Variants in MAST4 observed in about 807,000 individuals in gnomAD.
The protein encoded by MAST4 is microtubule associated serine/threonine kinase family member 4, also known as microtubule-associated serine/threonine-protein kinase 4.
A neutral mutation model predicts 162.7 loss-of-function variants in MAST4; 89 were observed. That is an observed-to-expected ratio of 0.55 (90% confidence interval 0.46 to 0.65). The LOEUF is 0.65. Ranked by LOEUF, MAST4 falls within the 30% of genes least tolerant of loss-of-function variation. The probability of loss-of-function intolerance (pLI) is 0.00; values close to 1 mark genes in which losing one functional copy is unlikely to be tolerated. For synonymous variants in MAST4, 1,479 were observed against 1,361.1 expected, an observed-to-expected ratio of 1.09 and a Z score of -1.91; for missense variants, 3,153 against 3,374.0, an observed-to-expected ratio of 0.93 and a Z score of 1.62.
chr5:66,756,767 A>G (rs1267725540), intron 1 of MAST4, among the ~76,000 whole-genome samples: 1 of 152,218 alleles, frequency 6.6e-6, no homozygotes, highest in Non-Finnish European at 1.5e-5. Context: ...ATTTGGAAAA[A>G]TGATCTATTT....
At chr5:66,810,155 G>A (rs972149584) in intron 3 of MAST4, among the ~76,000 whole-genome samples, 3 of 152,160 alleles carry the variant, frequency 2.0e-5, no homozygotes, top group Admixed American at 6.5e-5. Context: ...TTACTTTTAG[G>A]TGTAAGGGGA....
intron 3 of MAST4, among the ~76,000 whole-genome samples, chr5:66,845,126 T>TATATATATATATACACAC (rs1358855625): frequency 4.0e-4 from 27 of 67,164 alleles, no homozygotes; most frequent in East Asian, 3.2e-3. Context: ...TATATATATA[T>TATATATATATATACACAC]ACACACACAC....
chr5:66,851,456 C>T (rs1371917961), intron 3 of MAST4, among the ~76,000 whole-genome samples: 4 of 152,304 alleles, frequency 2.6e-5, no homozygotes, highest in Non-Finnish European at 5.9e-5. Context: ...AATTTAACAC[C>T]TATGGCAAGA....
At chr5:66,620,306 C>T (rs1743992936) in intron 1 of MAST4, among the ~76,000 whole-genome samples, 1 of 151,964 alleles carries the variant, frequency 6.6e-6, no homozygotes, top group Non-Finnish European at 1.5e-5. Context: ...ATACTACTTC[C>T]CCTCCACATT....
chr5:66,658,562 G>T (rs982008926), intron 1 of MAST4, among the ~76,000 whole-genome samples: 1 of 152,170 alleles, frequency 6.6e-6, no homozygotes, highest in Admixed American at 6.5e-5. Context: ...AAATGAATTT[G>T]CAGAAAAGCA....
chr5:66,747,900 G>A (rs527825931), intron 1 of MAST4, among the ~76,000 whole-genome samples: 5 of 152,286 alleles, frequency 3.3e-5, no homozygotes, highest in Admixed American at 2.0e-4. Flanking sequence ...AGGGTGAGGG[G>A]GTGGAGGGAA....
intron 4 of MAST4, among the ~76,000 whole-genome samples, chr5:66,975,786 G>C (rs1748070137): frequency 6.6e-6 from 1 of 152,090 alleles, no homozygotes; most frequent in Non-Finnish European, 1.5e-5. Flanking sequence ...CTGAGGTCAG[G>C]AGTTCAAGAC....
intron 4 of MAST4, among the ~76,000 whole-genome samples, chr5:67,043,892 C>T (rs1757062567): frequency 6.6e-6 from 1 of 152,162 alleles, no homozygotes; most frequent in South Asian, 2.1e-4. Flanking sequence ...GGACAGCCAA[C>T]CACTTGGATG....
chr5:66,802,292 TAAAC>T (rs978319020), intron 3 of MAST4, among the ~76,000 whole-genome samples: 7 of 152,168 alleles, frequency 4.6e-5, no homozygotes, highest in African/African-American at 1.7e-4. Context: ...AAGCTGGGCA[TAAAC>T]AAACTGCTAG....
chr5:66,812,586 G>A (rs1025915808), intron 3 of MAST4, among the ~76,000 whole-genome samples: 2 of 152,194 alleles, frequency 1.3e-5, no homozygotes, highest in East Asian at 1.9e-4. Context: ...TCTACAAAGC[G>A]GAAAAATAGA....
intron 14 of MAST4, among the ~76,000 whole-genome samples, chr5:67,127,887 A>G (rs1768455189): frequency 6.6e-6 from 1 of 152,242 alleles, no homozygotes; most frequent in African/African-American, 2.4e-5. Context: ...TTTCAATTTA[A>G]CCTAAATATA....
At chr5:66,992,250 C>T (rs2150283284) in intron 4 of MAST4, among the ~76,000 whole-genome samples, 1 of 152,156 alleles carries the variant, frequency 6.6e-6, no homozygotes, top group South Asian at 2.1e-4. Flanking sequence ...TTGGTGTCTG[C>T]ATAATTAGTA....
chr5:66,855,030 C>CTTGATACA lies in MAST4; in HGVS notation c.643-44920_643-44919insTGATACAT, dbSNP rs1690014194. Among the ~76,000 whole-genome samples, 5 of 152,144 alleles carry CTTGATACA rather than the reference C, an allele frequency of 3.3e-5. No homozygotes were observed. The East Asian group carries it at 9.6e-4, about 29-fold the overall frequency. ...TTATTTTTGTGTCTGTGTTCACATG[C>CTTGATACA]TGTTTGACACTCAAGTATTTAGAAA... On this transcript the variant is annotated intron_variant, in intron 3 of 28. Transcript: ENST00000403625.
chr5:66,737,822 G>A (rs997262125), intron 1 of MAST4, among the ~76,000 whole-genome samples: 6 of 152,102 alleles, frequency 3.9e-5, no homozygotes, highest in Admixed American at 6.5e-5. Flanking sequence ...CCTTAGGACC[G>A]CTTGAGGCAG....
intron 4 of MAST4, among the ~76,000 whole-genome samples, chr5:67,037,856 C>CTCAT (rs1756210895): frequency 6.8e-6 from 1 of 146,190 alleles, no homozygotes; most frequent in South Asian, 2.2e-4. Flanking sequence ...TGATGCTAGA[C>CTCAT]TCATTGCCCA....
chr5:67,003,327 A>C (rs912198721), intron 4 of MAST4, among the ~76,000 whole-genome samples: 1 of 152,194 alleles, frequency 6.6e-6, no homozygotes, highest in African/African-American at 2.4e-5. Context: ...GAGATAACGC[A>C]TACGAAAGCC....
chr5:67,010,922 A>C (rs551718971), intron 4 of MAST4, among the ~76,000 whole-genome samples: 17 of 152,260 alleles, frequency 1.1e-4, no homozygotes, highest in African/African-American at 3.9e-4. Context: ...TGGGCAGCTA[A>C]ATACAGCAGC....
At chr5:66,803,566 T>C (rs895560419) in intron 3 of MAST4, among the ~76,000 whole-genome samples, 2 of 152,214 alleles carry the variant, frequency 1.3e-5, no homozygotes, top group Non-Finnish European at 2.9e-5. Context: ...TTTTATTTTT[T>C]ACAGAAAGAA....
intron 2 of MAST4, among the ~76,000 whole-genome samples, chr5:66,786,167 C>G (rs1449148953): frequency 6.6e-6 from 1 of 152,058 alleles, no homozygotes; most frequent in Non-Finnish European, 1.5e-5. Flanking sequence ...CTGTACCCAG[C>G]CTAATAATTA....
Sources: allele counts gnomAD v4.1 joint callset (sites outside exome capture counted in the v4.1 genomes callset), GRCh38; gene constraint gnomAD v4.1.1; transcripts MANE v1.5; gene names NCBI Gene and HGNC (gene_info 2026-07-23, HGNC 2026-07-21).